SOX5: variants seen among roughly 807,000 people sequenced by gnomAD.
SOX5 encodes the protein SRY-box transcription factor 5, also known as transcription factor SOX-5.
Under a neutral mutation model 92.0 loss-of-function variants are expected in SOX5, and 9 were observed. The observed-to-expected ratio is 0.10, with a 90% CI of 0.06 to 0.17. The LOEUF (loss-of-function observed/expected upper bound fraction) is 0.17, where lower values mean the gene tolerates loss of function less well. SOX5 is among the 10% of genes least tolerant of loss of function. The pLI is 1.00. For missense variants in SOX5, 642 were observed against 944.5 expected, an observed-to-expected ratio of 0.68 and a Z score of 4.20; for synonymous variants, 344 against 336.3, an observed-to-expected ratio of 1.02 and a Z score of -0.25.
intron 1 of SOX5, among the ~76,000 whole-genome samples, chr12:24,425,518 C>G (rs1966626631): frequency 6.6e-6 from 1 of 152,204 alleles, no homozygotes; most frequent in Non-Finnish European, 1.5e-5. Flanking sequence ...GCTGGCATAA[C>G]ATTACTTGTT....
chr12:23,949,627 T>A lies in SOX5; in HGVS notation c.-26A>T. 2 of 1,613,848 alleles carry A rather than the reference T, an allele frequency of 1.2e-6. No homozygotes were observed. Among genetic ancestry groups the A allele is most frequent in the Non-Finnish European group, 1.7e-6 (2 of 1,179,810 alleles). On this transcript the variant is annotated 5_prime_UTR_variant, in exon 1 of 15. Coordinates refer to ENST00000451604, the MANE Select transcript of SOX5 (RefSeq NM_006940.6). Reference sequence around the variant, plus strand: ...GCTGGAAAAGCACAATTTCCCTTTGTCACAGCAGCCACCTATGATCGTCTC... The same window carrying A: ...GCTGGAAAAGCACAATTTCCCTTTGACACAGCAGCCACCTATGATCGTCTC...
chr12:23,733,951 G>A (rs1026496907), intron 6 of SOX5, among the ~76,000 whole-genome samples: 1 of 152,064 alleles, frequency 6.6e-6, no homozygotes, highest in Non-Finnish European at 1.5e-5. Context: ...CTTTATCCAT[G>A]ATTTCTTTTA....
At chr12:23,564,214 C>T (rs887885010) in intron 10 of SOX5, among the ~76,000 whole-genome samples, 4 of 152,150 alleles carry the variant, frequency 2.6e-5, no homozygotes, top group Non-Finnish European at 5.9e-5. Context: ...ACAACCAAAA[C>T]TAATTTTTAC....
intron 3 of SOX5, among the ~76,000 whole-genome samples, chr12:23,767,927 G>T (rs759211745): frequency 6.6e-6 from 1 of 151,894 alleles, no homozygotes; most frequent in African/African-American, 2.4e-5. Context: ...TATAGTTAAT[G>T]TATGATATTT....
intron 4 of SOX5, among the ~76,000 whole-genome samples, chr12:24,027,759 C>A (rs1197997474): frequency 1.3e-5 from 2 of 151,820 alleles, no homozygotes; most frequent in African/African-American, 4.8e-5. Context: ...ACGGAGGAGG[C>A]CCTCATATGC....
At chr12:24,336,772 A>G (rs1951952829) in intron 2 of SOX5, among the ~76,000 whole-genome samples, 1 of 152,236 alleles carries the variant, frequency 6.6e-6, no homozygotes, top group Non-Finnish European at 1.5e-5. Flanking sequence ...GAGAGGGAGA[A>G]GATGAGAGGA....
chr12:23,724,747 C>A (rs570300351), intron 6 of SOX5, among the ~76,000 whole-genome samples: 11 of 152,242 alleles, frequency 7.2e-5, no homozygotes, highest in African/African-American at 2.4e-4. Context: ...AAGTAAAGGT[C>A]TAAATTATAT....
intron 4 of SOX5, among the ~76,000 whole-genome samples, chr12:24,098,117 T>C (rs1262845717): frequency 2.0e-5 from 3 of 152,112 alleles, no homozygotes; most frequent in Admixed American, 6.6e-5. Context: ...AGGTAGTAGG[T>C]GTGATGCTTG....
chr12:24,123,693 T>C (rs977544948), intron 4 of SOX5, among the ~76,000 whole-genome samples: 1 of 152,216 alleles, frequency 6.6e-6, no homozygotes, highest in Non-Finnish European at 1.5e-5. Context: ...TGTCCCAACT[T>C]TCAGATTCAA....
At chr12:24,267,460 T>C (rs1943166725) in intron 3 of SOX5, among the ~76,000 whole-genome samples, 1 of 152,298 alleles carries the variant, frequency 6.6e-6, no homozygotes, top group South Asian at 2.1e-4. Context: ...GGGAATACTT[T>C]TACATTCATT....
At chr12:23,899,435 G>T (rs1204623836) in intron 1 of SOX5, among the ~76,000 whole-genome samples, 1 of 149,962 alleles carries the variant, frequency 6.7e-6, no homozygotes, top group East Asian at 1.9e-4. Context: ...CACCACAAGT[G>T]TGCATATATT....
In SOX5 at chr12:24,441,190, C is replaced by A. The variant is rs1940509131; in HGVS notation, c.-250-72551G>T. On this transcript the variant is annotated intron_variant, in intron 1 of 4. Transcript: ENST00000446891. ...AGAACTCTGTATGCAGAGAAATAAT[C>A]AGAAATGCAAAAAAATTCCCTCCTC... Among the ~76,000 whole-genome samples, 5 of 152,200 alleles carry A rather than the reference C, an allele frequency of 3.3e-5. No individual in the cohort carries two copies. The South Asian group carries it at 1.0e-3, about 32-fold the overall frequency.
At chr12:23,754,853 T>C (rs1248306467) in intron 4 of SOX5, among the ~76,000 whole-genome samples, 1 of 151,852 alleles carries the variant, frequency 6.6e-6, no homozygotes, top group Non-Finnish European at 1.5e-5. Context: ...ATATTCAGCC[T>C]CTACCAAAAA....
At chr12:23,909,762 G>A (rs1390095557) in intron 1 of SOX5, among the ~76,000 whole-genome samples, 1 of 152,012 alleles carries the variant, frequency 6.6e-6, no homozygotes, top group Non-Finnish European at 1.5e-5. Flanking sequence ...GGATAAAGAA[G>A]CCTTGATGGA....
chr12:23,762,614 A>AAG (rs878859755), intron 3 of SOX5: 1 of 349,452 alleles, frequency 2.9e-6, no homozygotes. Context: ...ATACAAAAAG[A>AAG]AAAAAAAAAA....
intron 4 of SOX5, among the ~76,000 whole-genome samples, chr12:24,005,811 T>C (rs1952094463): frequency 6.6e-6 from 1 of 152,222 alleles, no homozygotes; most frequent in South Asian, 2.1e-4. Flanking sequence ...AAAACCTTTT[T>C]ATTAAAATAC....
chr12:23,986,817 GGTTT>G (rs912031333), intron 4 of SOX5, among the ~76,000 whole-genome samples: 2 of 151,732 alleles, frequency 1.3e-5, no homozygotes, highest in Non-Finnish European at 2.9e-5. Flanking sequence ...ATCCTTTAGA[GGTTT>G]GTTTTATAGA....
chr12:23,663,220 A>G (rs1170860354), intron 7 of SOX5, among the ~76,000 whole-genome samples: 5 of 152,228 alleles, frequency 3.3e-5, no homozygotes, highest in Non-Finnish European at 7.3e-5. Flanking sequence ...GCCAGTTTCA[A>G]GCTTGCCAGC....
rs200052377 is a variant in SOX5 at position 24,106,489 on chromosome 12, T to C, written c.-2+106854A>G. Among the ~76,000 whole-genome samples, 59 of 152,064 alleles carry C rather than the reference T, an allele frequency of 3.9e-4. No homozygotes were observed. The East Asian group carries it at 0.011, about 29-fold the overall frequency. On this transcript the variant is annotated intron_variant, in intron 4 of 4. Coordinates refer to the SOX5 transcript ENST00000446891. ...GGATTATAAAAACAAAAACGTCAAA[T>C]GGTTAAAAATAATAAGAGAAGCCAG...
Sources: gnomAD v4.1 joint callset for allele counts (sites outside exome capture counted in the v4.1 genomes callset) on GRCh38, gnomAD v4.1.1 for gene constraint, MANE v1.5 for transcripts, NCBI Gene and HGNC (gene_info 2026-07-23, HGNC 2026-07-21) for gene names.